KLHL29: variants seen among roughly 807,000 people sequenced by gnomAD.
The protein encoded by KLHL29 is kelch like family member 29, also known as kelch-like protein 29.
Under a neutral mutation model 80.4 loss-of-function variants are expected in KLHL29, and 21 were observed. The observed-to-expected ratio is 0.26, with a 90% CI of 0.19 to 0.38. The LOEUF (loss-of-function observed/expected upper bound fraction) is 0.38, where lower values mean the gene tolerates loss of function less well. Among genes scored for constraint, KLHL29 ranks in the 10% least tolerant of loss-of-function variants. The probability of loss-of-function intolerance (pLI) is 1.00; values close to 1 mark genes in which losing one functional copy is unlikely to be tolerated. For missense variants in KLHL29, 867 were observed against 1,223.9 expected, an observed-to-expected ratio of 0.71 and a Z score of 4.35; for synonymous variants, 511 against 526.8, an observed-to-expected ratio of 0.97 and a Z score of 0.41.
intron 5 of KLHL29, among the ~76,000 whole-genome samples, chr2:23,658,084 C>CCCTCCTCCCTCTCCTGCCCACT (rs1387266604): frequency 1.3e-5 from 2 of 151,972 alleles, no homozygotes; most frequent in Non-Finnish European, 2.9e-5. Context: ...TGGCCCTCCT[C>CCCTCCTCCCTCTCCTGCCCACT]CCTCCTCCCT....
chr2:23,685,046 A>G (rs1010785436), intron 6 of KLHL29, among the ~76,000 whole-genome samples: 1 of 152,176 alleles, frequency 6.6e-6, no homozygotes, highest in Non-Finnish European at 1.5e-5. Context: ...CCCCAGCCCA[A>G]GTAGGGGAGA....
rs185807540 is a variant in KLHL29 at position 23,501,042 on chromosome 2, T to G, written c.-46+25375T>G. ...CAGTCTGGAGAGCTGACGAGCAGCT[T>G]GATTAGCTGAAATTACTTCCTGCAG... On this transcript the variant is annotated intron_variant, in intron 2 of 13. Transcript: ENST00000486442. Among the ~76,000 whole-genome samples the G allele has an allele frequency of 7.8e-3, 1,188 of 152,196 alleles. 15 individuals carry two copies. Among genetic ancestry groups the G allele is most frequent in the African/African-American group, 0.026 (1,069 of 41,510 alleles).
chr2:23,538,558 C>T (rs1666745761), intron 2 of KLHL29, among the ~76,000 whole-genome samples: 1 of 152,226 alleles, frequency 6.6e-6, no homozygotes, highest in African/African-American at 2.4e-5. Flanking sequence ...ACGTCCATTC[C>T]AAACACTCAG....
chr2:23,632,982 G>T (rs1558416628), intron 3 of KLHL29, among the ~76,000 whole-genome samples: 1 of 48,010 alleles, frequency 2.1e-5, no homozygotes, highest in African/African-American at 5.4e-5. Flanking sequence ...CAAAAGTCTG[G>T]CATGGCCAAT....
intron 3 of KLHL29, among the ~76,000 whole-genome samples, chr2:23,593,842 G>A (rs898530499): frequency 6.6e-6 from 1 of 152,332 alleles, no homozygotes; most frequent in African/African-American, 2.4e-5. Context: ...AGGTGGGAGG[G>A]CCAGGGCACC....
chr2:23,565,499 C>T lies in KLHL29; in HGVS notation c.285+3018C>T, dbSNP rs186780478. Among the ~76,000 whole-genome samples, 231 of 152,306 alleles carry T rather than the reference C, an allele frequency of 1.5e-3. 2 individuals are homozygous for T. The highest frequency in any genetic ancestry group is 6.2e-3 in the Admixed American group (95 of 15,304). The stretch of plus-strand genomic sequence containing the variant: ...CCCTTGGCTGGGACTCCAGATGCTC[C>T]GTAGGCAAGAGGGAGCTGGGGGGAA... On this transcript the variant is annotated intron_variant, in intron 3 of 13. Coordinates refer to ENST00000486442, the MANE Select transcript of KLHL29 (RefSeq NM_052920.2).
At chr2:23,604,152 T>A (rs1260190911) in intron 3 of KLHL29, among the ~76,000 whole-genome samples, 2 of 152,102 alleles carry the variant, frequency 1.3e-5, no homozygotes, top group Non-Finnish European at 2.9e-5. Context: ...TTATTTTTTT[T>A]ATTTTTTTTA....
intron 3 of KLHL29, among the ~76,000 whole-genome samples, chr2:23,604,118 GAA>G (rs1029607630): frequency 6.6e-6 from 1 of 151,546 alleles, no homozygotes; most frequent in Non-Finnish European, 1.5e-5. Flanking sequence ...TGGACAACTG[GAA>G]GATCCTTTCT....
rs184127097 is a variant in KLHL29, at chr2:23,577,187, C to T, written c.285+14706C>T. Among the ~76,000 whole-genome samples the T allele has an allele frequency of 1.2e-3, 178 of 152,338 alleles. 1 individual carries two copies. The highest frequency in any genetic ancestry group is 4.2e-3 in the African/African-American group (175 of 41,584). The stretch of plus-strand genomic sequence containing the variant: ...CAGTAGGAGCCAGTGCAGTCGCTCA[C>T]GCCTATAATCCCAGCACTTTGGGAG... On this transcript the variant is annotated intron_variant, in intron 3 of 13. Coordinates refer to ENST00000486442, the MANE Select transcript of KLHL29 (RefSeq NM_052920.2).
intron 1 of KLHL29, among the ~76,000 whole-genome samples, chr2:23,415,369 C>CT (rs1182792426): frequency 1.3e-5 from 2 of 152,220 alleles, no homozygotes; most frequent in Non-Finnish European, 2.9e-5. Flanking sequence ...TTCTCTGTCT[C>CT]TTTGAGTGTC....
chr2:23,439,222 T>C (rs1249480684), intron 1 of KLHL29, among the ~76,000 whole-genome samples: 2 of 152,074 alleles, frequency 1.3e-5, no homozygotes, highest in African/African-American at 2.4e-5. Context: ...TTAGTCTTGC[T>C]AGTGGTCTAT....
intron 3 of KLHL29, among the ~76,000 whole-genome samples, chr2:23,634,777 C>T (rs1427675075): frequency 6.6e-6 from 1 of 152,202 alleles, no homozygotes; most frequent in South Asian, 2.1e-4. Context: ...AACCTCAGCA[C>T]CCCCAATGAG....
intron 5 of KLHL29, among the ~76,000 whole-genome samples, chr2:23,660,275 G>A (rs558572087): frequency 7.9e-5 from 12 of 152,332 alleles, no homozygotes; most frequent in East Asian, 3.9e-4. Context: ...CTGGCTTTAC[G>A]TAAGGTGGCT....
At chr2:23,455,635 C>T (rs1558344585) in intron 1 of KLHL29, among the ~76,000 whole-genome samples, 2 of 137,152 alleles carry the variant, frequency 1.5e-5, no homozygotes, top group African/African-American at 2.8e-5. Context: ...TTTTTGAGAC[C>T]GAGTCTCCAT....
At chr2:23,492,071 G>A (rs1289850396) in intron 2 of KLHL29, among the ~76,000 whole-genome samples, 1 of 152,130 alleles carries the variant, frequency 6.6e-6, no homozygotes, top group Non-Finnish European at 1.5e-5. Flanking sequence ...TGGTACACTG[G>A]CCCCAGCGGG....
intron 2 of KLHL29, among the ~76,000 whole-genome samples, chr2:23,508,103 C>A (rs1709310): frequency 0.38 from 57,581 of 152,082 alleles, 11,345 homozygotes; most frequent in Middle Eastern, 0.42. Flanking sequence ...TAAGACCCCA[C>A]GCTTAGGACA....
chr2:23,532,070 C>T (rs1301386744), intron 2 of KLHL29, among the ~76,000 whole-genome samples: 1 of 152,164 alleles, frequency 6.6e-6, no homozygotes, highest in Non-Finnish European at 1.5e-5. Context: ...AAGTCAGCAG[C>T]CTTTCCACTG....
At chr2:23,605,302 T>C (rs112803147) in intron 3 of KLHL29, among the ~76,000 whole-genome samples, 107 of 152,110 alleles carry the variant, frequency 7.0e-4, no homozygotes, top group African/African-American at 2.4e-3. Context: ...CTCACTATAC[T>C]GCCCAGGCTG....
chr2:23,516,817 T>C (rs1665947048), intron 2 of KLHL29, among the ~76,000 whole-genome samples: 1 of 152,182 alleles, frequency 6.6e-6, no homozygotes, highest in Non-Finnish European at 1.5e-5. Context: ...AGATCTCAGC[T>C]TACAAAGCCT....
Sources: gnomAD v4.1 joint callset for allele counts (sites outside exome capture counted in the v4.1 genomes callset) on GRCh38, gnomAD v4.1.1 for gene constraint, MANE v1.5 for transcripts, NCBI Gene and HGNC (gene_info 2026-07-23, HGNC 2026-07-21) for gene names.